RP1: variants seen among roughly 807,000 people sequenced by gnomAD.
RP1 encodes the protein oxygen-regulated protein 1.
A neutral mutation model predicts 14.8 loss-of-function variants in RP1; 16 were observed. The ratio of observed to expected loss-of-function variants is 1.08; its 90% CI spans 0.73 to 1.65. The LOEUF (loss-of-function observed/expected upper bound fraction) is 1.65, where lower values mean the gene tolerates loss of function less well. Among genes scored for constraint, RP1 ranks in the 40% most tolerant of loss-of-function variants. RP1 has a pLI of 0.00. For synonymous variants in RP1, 876 were observed against 883.6 expected (o/e 0.99, Z 0.15); for missense variants, 2,631 against 2,535.0 (o/e 1.04, Z -0.81).
At chr8:54,677,244 A>C (rs570246635) in intron 8 of RP1, among the ~76,000 whole-genome samples, 1 of 151,914 alleles carries the variant, frequency 6.6e-6, no homozygotes, top group South Asian at 2.1e-4. Flanking sequence ...TGCTGAGTCT[A>C]CTGAATTAGA....
intron 7 of RP1, among the ~76,000 whole-genome samples, chr8:54,673,329 G>T (rs113508181): frequency 6.6e-6 from 1 of 152,012 alleles, no homozygotes; most frequent in Non-Finnish European, 1.5e-5. Context: ...AACCTATAGC[G>T]TTATCTTTGA....
At chr8:54,622,730 A>G (rs1805915990) in intron 3 of RP1, among the ~76,000 whole-genome samples, 1 of 152,210 alleles carries the variant, frequency 6.6e-6, no homozygotes, top group South Asian at 2.1e-4. Flanking sequence ...TTCTGAAGTT[A>G]TTCCTAAAAA....
intron 18 of RP1, among the ~76,000 whole-genome samples, chr8:54,736,458 G>A (rs1397837819): frequency 6.6e-6 from 1 of 152,106 alleles, no homozygotes; most frequent in Non-Finnish European, 1.5e-5. Context: ...TTAGCACAAG[G>A]TGGGTAATAA....
chr8:54,712,986 G>T (rs1305506585), intron 15 of RP1, among the ~76,000 whole-genome samples: 3 of 152,066 alleles, frequency 2.0e-5, no homozygotes, highest in Non-Finnish European at 4.4e-5. Context: ...AGGGATTTAA[G>T]ATGCATTCAA....
At chr8:54,689,540 T>C (rs899211150) in intron 12 of RP1, among the ~76,000 whole-genome samples, 7 of 152,140 alleles carry the variant, frequency 4.6e-5, no homozygotes, top group African/African-American at 1.7e-4. Flanking sequence ...AGTCTCTTTA[T>C]AAATATTGCC....
At chr8:54,647,329 A>G (rs987536884) in intron 3 of RP1, among the ~76,000 whole-genome samples, 77 of 152,166 alleles carry the variant, frequency 5.1e-4, no homozygotes, top group Non-Finnish European at 9.1e-4. Flanking sequence ...CAGGAGAATC[A>G]CTTGAACCCA....
intron 18 of RP1, among the ~76,000 whole-genome samples, chr8:54,737,346 G>A (rs955837054): frequency 1.3e-5 from 2 of 152,150 alleles, no homozygotes; most frequent in African/African-American, 4.8e-5. Flanking sequence ...AGACAGATAG[G>A]TATCAAGTCA....
chr8:54,716,809 C>A (rs776262275), intron 15 of RP1, among the ~76,000 whole-genome samples: 27 of 152,208 alleles, frequency 1.8e-4, no homozygotes, highest in Non-Finnish European at 3.4e-4. Context: ...TCTAATCCAT[C>A]TTCTGGATGT....
intron 1 of RP1, among the ~76,000 whole-genome samples, chr8:54,605,364 A>C (rs1316813050): frequency 6.6e-6 from 1 of 152,236 alleles, no homozygotes; most frequent in Non-Finnish European, 1.5e-5. Context: ...TGAGTTTCTT[A>C]ATCCTGAGTT....
chr8:54,863,218 A>G (rs374645299), intron 27 of RP1, among the ~76,000 whole-genome samples: 1 of 151,962 alleles, frequency 6.6e-6, no homozygotes. Context: ...AGTGAAACAC[A>G]TTACCTTTTC....
At chr8:54,714,315 T>C (rs1808354072) in intron 15 of RP1, among the ~76,000 whole-genome samples, 1 of 152,174 alleles carries the variant, frequency 6.6e-6, no homozygotes. Flanking sequence ...TTGGTAAAAC[T>C]AACAAATTAG....
chr8:54,596,713 C>A lies in RP1; in HGVS notation c.-12-24242C>A, dbSNP rs560715824. Among the ~76,000 whole-genome samples, 17 of 152,290 alleles carry A rather than the reference C, an allele frequency of 1.1e-4. No individual in the cohort carries two copies. In the East Asian group the frequency reaches 2.9e-3, roughly 26 times the overall value. On this transcript the variant is annotated intron_variant, in intron 1 of 22. Transcript: ENST00000636932. ...GCCAACTCTTTTCCTCTGTGATACT[C>A]CTGCTCTATGCAGCTTTTGCTGAAC...
intron 15 of RP1, among the ~76,000 whole-genome samples, chr8:54,713,278 T>C (rs80155483): frequency 0.028 from 4,329 of 152,308 alleles, 120 homozygotes; most frequent in African/African-American, 0.063. Flanking sequence ...ATAGATTTGA[T>C]GTAATCGAAA....
At chr8:54,682,746 GC>G (rs1807466322) in intron 12 of RP1, among the ~76,000 whole-genome samples, 1 of 151,878 alleles carries the variant, frequency 6.6e-6, no homozygotes, top group Admixed American at 6.6e-5. Flanking sequence ...CATTCTCTAG[GC>G]TTTCTGTTCA....
chr8:54,579,957 G>A (rs1804745860), intron 1 of RP1, among the ~76,000 whole-genome samples: 1 of 152,196 alleles, frequency 6.6e-6, no homozygotes, highest in South Asian at 2.1e-4. Flanking sequence ...TCCTGGGCTA[G>A]GAGAGGACCT....
At chr8:54,837,391 T>C (rs1385955085) in intron 24 of RP1, 6 of 711,324 alleles carry the variant, frequency 8.4e-6, no homozygotes, top group Non-Finnish European at 1.2e-5. Flanking sequence ...AAATGGAATA[T>C]GAATTTGGAA....
rs1347529978 is a variant in RP1 at position 54,729,558 on chromosome 8, C to A, written c.2521+3082C>A. Among the ~76,000 whole-genome samples the A allele has an allele frequency of 2.0e-5, 3 of 152,002 alleles. No homozygotes were observed. In the East Asian group the frequency reaches 5.8e-4, roughly 29 times the overall value. On this transcript the variant is annotated intron_variant, in intron 17 of 22. Transcript: ENST00000636932. ...CCGAAAAAAAGTAGAACACATCAAG[C>A]ATACAGGAAAATCTTAAAATTATAT...
At chr8:54,789,572 C>T (rs903382380) in intron 24 of RP1, among the ~76,000 whole-genome samples, 2 of 152,194 alleles carry the variant, frequency 1.3e-5, no homozygotes, top group African/African-American at 4.8e-5. Context: ...ATCCAGCCTA[C>T]CGTGAAGCCC....
intron 24 of RP1, among the ~76,000 whole-genome samples, chr8:54,821,176 T>A (rs1176151509): frequency 6.6e-6 from 1 of 152,036 alleles, no homozygotes; most frequent in Non-Finnish European, 1.5e-5. Context: ...GTAAATAAGG[T>A]GTTTCAGAAG....
Sources: allele counts gnomAD v4.1 joint callset (sites outside exome capture counted in the v4.1 genomes callset), GRCh38; gene constraint gnomAD v4.1.1; transcripts MANE v1.5; gene names NCBI Gene and HGNC (gene_info 2026-07-23, HGNC 2026-07-21).